ERAL1: variants seen among roughly 807,000 people sequenced by gnomAD.
ERAL1 encodes Era like 12S mitochondrial rRNA chaperone 1.
ERAL1 carries 36 observed loss-of-function variants against 53.6 expected under a neutral mutation model. That is an observed-to-expected ratio of 0.67 (90% confidence interval 0.51 to 0.89). The LOEUF is 0.89. Among genes scored for constraint, ERAL1 ranks in the 40% least tolerant of loss-of-function variants. The pLI is 0.00. For synonymous variants in ERAL1, 215 were observed against 211.8 expected (o/e 1.02, Z -0.13); for missense variants, 512 against 537.5 (o/e 0.95, Z 0.47).
intron 9 of ERAL1, 36 bp from the exon 10 acceptor site, chr17:28,860,395 T>C: frequency 1.9e-6 from 3 of 1,608,372 alleles, no homozygotes; most frequent in Middle Eastern, 3.3e-4. Flanking sequence ...GCATGTGCCA[T>C]CATTCCTGGC....
chr17:28,855,425 T>G, intron 1 of ERAL1, 108 bp downstream of exon 1: 1 of 1,280,402 alleles, frequency 7.8e-7, no homozygotes, highest in Non-Finnish European at 1.0e-6. Flanking sequence ...TTTGAGGCCC[T>G]GACAGGGAGG....
At position 28,858,463 on chromosome 17, in the gene ERAL1, C is replaced by A; in HGVS notation, c.688C>A (p.Pro230Thr). 1 of 1,614,124 alleles carries A rather than the reference C, an allele frequency of 6.2e-7. No homozygotes were observed. Among genetic ancestry groups the A allele is most frequent in the Non-Finnish European group, 8.5e-7 (1 of 1,180,022 alleles). ...LRCLTKYSQI[P>T]SVLVMNKVDC... Reference sequence around the variant, plus strand: ...GTGCTTGACCAAGTACTCCCAGATCCCTAGTGTCCTGGTCATGAACAAGGT... The same window carrying A: ...GTGCTTGACCAAGTACTCCCAGATCACTAGTGTCCTGGTCATGAACAAGGT... The change falls in exon 6 of 10, where the codon CCT (proline) becomes ACT (threonine). Residue 230 changes from proline to threonine, a missense_variant. Physicochemically the swap from Pro to Thr is conservative, Grantham distance 38. Transcript: ENST00000254928.
chr17:28,856,178 G>C lies in ERAL1; in HGVS notation c.284-86G>C, dbSNP rs552989840. On this transcript the variant is annotated intron_variant, in intron 1 of 9. Coordinates refer to ENST00000254928, the MANE Select transcript of ERAL1 (RefSeq NM_005702.4). ...CCTGGTGCACTAATTTTGTACCCCTGCTCCCTTTGTGGGTGGGCAGGAACA... is the reference window on the plus strand; with the variant it reads ...CCTGGTGCACTAATTTTGTACCCCTCCTCCCTTTGTGGGTGGGCAGGAACA... 11 of 1,551,816 alleles carry C rather than the reference G, an allele frequency of 7.1e-6. No homozygotes were observed. The Admixed American group carries it at 8.6e-5, about 12-fold the overall frequency.
At position 28,858,381 on chromosome 17, in the gene ERAL1, T is replaced by C; in HGVS notation, c.606T>C (p.Val202=). ...TGCCTTGCCATCTTCTAGTTGTGGT[T>C]CTTGTGGATGTCTCAGACAAGTGGA... ...KSMESADLVV[V]LVDVSDKWTR... The change falls in exon 6 of 10, where the codon GTT becomes GTC. Residue 202 remains valine (V), a synonymous_variant. Transcript: ENST00000254928. 1 of 1,614,152 alleles carries C rather than the reference T, an allele frequency of 6.2e-7. No homozygotes were observed. The highest frequency in any genetic ancestry group is 8.5e-7 in the Non-Finnish European group (1 of 1,180,016).
At chr17:28,860,306 A>G in intron 9 of ERAL1, 125 bp from the exon 10 acceptor site, 2 of 1,113,734 alleles carry the variant, frequency 1.8e-6, no homozygotes, top group African/African-American at 1.6e-5. Context: ...GAGGGGTCGC[A>G]CTGTTACCCA....
rs1272200681 is a variant in ERAL1, at chr17:28,857,932, A to G, written c.490-7A>G. ...GGGGTCTGGGTATCTCACTTTCCTG[A>G]TTTTAGATTCTACTTGACACACCTG... On this transcript the variant is annotated splice_region_variant and splice_polypyrimidine_tract_variant and intron_variant, in intron 3 of 9. Coordinates refer to ENST00000254928, the MANE Select transcript of ERAL1 (RefSeq NM_005702.4). The G allele has an allele frequency of 6.2e-7, 1 of 1,614,038 alleles. No individual in the cohort carries two copies.
At position 28,858,384 on chromosome 17, in the gene ERAL1, T is replaced by C. The variant is rs1443190403; in HGVS notation, c.609T>C (p.Leu203=). The part of the protein sequence containing the change: ...SMESADLVVV[L]VDVSDKWTRN... ...CTTGCCATCTTCTAGTTGTGGTTCT[T>C]GTGGATGTCTCAGACAAGTGGACAC... The change falls in exon 6 of 10, where the codon CTT becomes CTC. Residue 203 remains leucine (L), a synonymous_variant. Coordinates refer to ENST00000254928, the MANE Select transcript of ERAL1 (RefSeq NM_005702.4). The C allele has an allele frequency of 6.2e-7, 1 of 1,614,052 alleles. No individual in the cohort carries two copies. Among genetic ancestry groups the C allele is most frequent in the African/African-American group, 1.3e-5 (1 of 74,928 alleles).
intron 1 of ERAL1, among the ~76,000 whole-genome samples, chr17:28,855,950 T>C (rs1386463426): frequency 6.6e-6 from 1 of 152,166 alleles, no homozygotes; most frequent in Non-Finnish European, 1.5e-5. Context: ...TATAATTACA[T>C]GCAGTAATTA....
rs2039241144 is a variant in ERAL1 at position 28,856,275 on chromosome 17, G to A, written c.295G>A (p.Val99Ile). 3.7e-6 allele frequency: 6 copies of A among 1,614,020 alleles called. No individual in the cohort carries two copies. The highest frequency in any genetic ancestry group is 5.1e-6 in the Non-Finnish European group (6 of 1,179,928). Reference protein sequence around the residue: ...AVSMNRDEQDVLLVHHPDMPE... With the variant: ...AVSMNRDEQDILLVHHPDMPE... ...CCACTTGCACATAGATGAGCAGGATGTCCTCTTGGTCCATCACCCTGATAT... is the reference window on the plus strand; with the variant it reads ...CCACTTGCACATAGATGAGCAGGATATCCTCTTGGTCCATCACCCTGATAT... The change falls in exon 2 of 10, where the codon GTC (valine) becomes ATC (isoleucine). Residue 99 changes from valine (V) to isoleucine (I), a missense_variant. Coordinates refer to ENST00000254928, the MANE Select transcript of ERAL1 (RefSeq NM_005702.4).
Position 28,860,646 on chromosome 17 carries a change from G to A in ERAL1, c.*93G>A. 6.9e-7 allele frequency: 1 copy of A among 1,451,054 alleles called. No individual in the cohort carries two copies. The highest frequency in any genetic ancestry group is 9.1e-7 in the Non-Finnish European group (1 of 1,100,212). The allele number at this position is 1,451,054 out of a possible 1,614,324, so 89.9% of individuals were successfully genotyped here. On this transcript the variant is annotated 3_prime_UTR_variant, in exon 10 of 10. Coordinates refer to ENST00000254928, the MANE Select transcript of ERAL1 (RefSeq NM_005702.4). ...CTTGGCTGGGGACCCTCCAGGCACTGGTGAGAGACATGAACACTGACTGGC... is the reference window on the plus strand; with the variant it reads ...CTTGGCTGGGGACCCTCCAGGCACTAGTGAGAGACATGAACACTGACTGGC...
At chr17:28,860,257 G>C (rs1354959131) in intron 9 of ERAL1, among the ~76,000 whole-genome samples, 174 bp from the exon 10 acceptor site, 3 of 152,148 alleles carry the variant, frequency 2.0e-5, no homozygotes, top group Admixed American at 2.0e-4. Context: ...GATTACAGGC[G>C]TGAGCCACTG....
Position 28,857,993 on chromosome 17 carries a change from T to C in ERAL1, c.536+8T>C. Reference sequence around the variant, plus strand: ...TCCTGGTAAACAGAAGAGGTAATGGTGGTGGAATTGGGGTGGATTGGCGGG... The same window carrying C: ...TCCTGGTAAACAGAAGAGGTAATGGCGGTGGAATTGGGGTGGATTGGCGGG... On this transcript the variant is annotated splice_region_variant and intron_variant, in intron 4 of 9. Transcript: ENST00000254928. 1 of 1,613,770 alleles carries C rather than the reference T, an allele frequency of 6.2e-7. No individual in the cohort carries two copies. Among genetic ancestry groups the C allele is most frequent in the Non-Finnish European group, 8.5e-7 (1 of 1,179,956 alleles).
chr17:28,857,916 G>A (rs1375565386), intron 3 of ERAL1, 23 bp from the exon 4 acceptor site: 3 of 1,613,988 alleles, frequency 1.9e-6, no homozygotes, highest in Non-Finnish European at 2.5e-6. Flanking sequence ...TGGGGTCTGG[G>A]TATCTCACTT....
chr17:28,859,365 G>A, intron 9 of ERAL1, 82 bp downstream of exon 9: 1 of 1,279,530 alleles, frequency 7.8e-7, no homozygotes, highest in South Asian at 1.3e-5. Flanking sequence ...CTGAGAGCAG[G>A]ACCATATCCT....
At chr17:28,857,544 C>T (rs1224505913) in intron 3 of ERAL1, among the ~76,000 whole-genome samples, 1 of 151,786 alleles carries the variant, frequency 6.6e-6, no homozygotes, top group East Asian at 2.0e-4. Flanking sequence ...AATCCCAGCA[C>T]TTTGGGAGGC....
In ERAL1 at chr17:28,855,101, C is replaced by T. The variant is rs369951726; in HGVS notation, c.67C>T (p.Pro23Ser). Residue 23 changes from proline to serine, a missense_variant, in exon 1 of 10, where the codon CCT (proline) becomes TCT (serine). Physicochemically the swap from Pro to Ser is moderately conservative, Grantham distance 74. Transcript: ENST00000254928. ...GGTGTTAAGAGTCTGGCAGGTGGGC[C>T]CTCATGTCGCGAGGGAGCGGGTGAT... is the stretch of plus-strand genomic sequence containing the variant. ...QSVLRVWQVGPHVARERVIPF... is the reference protein window; with the variant it reads ...QSVLRVWQVGSHVARERVIPF... 35 of 1,614,086 alleles carry T rather than the reference C, an allele frequency of 2.2e-5. No individual in the cohort carries two copies. The highest frequency in any genetic ancestry group is 2.2e-4 in the Admixed American group (13 of 59,998).
At position 28,859,228 on chromosome 17, in the gene ERAL1, C is replaced by T; in HGVS notation, c.1136C>T (p.Pro379Leu). ...AAGACAGCAGTGTGGGAGGAAGGAC[C>T]AGGTGGGGAGCTGGTTATCCAACAG... ...QQKTAVWEEGPGGELVIQQKL... is the reference protein window; with the variant it reads ...QQKTAVWEEGLGGELVIQQKL... The change falls in exon 9 of 10, where the codon CCA becomes CTA. Residue 379 changes from proline to leucine, a missense_variant. By Grantham distance (98) the Pro-to-Leu change is moderately conservative. Coordinates refer to ENST00000254928, the MANE Select transcript of ERAL1 (RefSeq NM_005702.4). 4.3e-6 allele frequency: 7 copies of T among 1,614,088 alleles called. No homozygotes were observed. The highest frequency in any genetic ancestry group is 5.9e-6 in the Non-Finnish European group (7 of 1,180,024).
In ERAL1 at chr17:28,860,549, A is replaced by G; in HGVS notation, c.1310A>G (p.Lys437Arg). 1.2e-6 allele frequency: 2 copies of G among 1,600,744 alleles called. No homozygotes were observed. The highest frequency in any genetic ancestry group is 1.7e-6 in the Non-Finnish European group (2 of 1,174,516). Residue 437 changes from lysine to arginine, a missense_variant, in exon 10 of 10, where the codon AAG (lysine) becomes AGG (arginine). Transcript: ENST00000254928. ...VDIRLSVKLL[K>R] ...ATCCGCCTCTCTGTGAAGCTCCTCA[A>G]GTGACCACCCTCTACTGACCCTCCC...
rs1221681753 is a variant in ERAL1, at chr17:28,858,677, C to G, written c.813C>G (p.His271Gln). The G allele has an allele frequency of 6.8e-6, 11 of 1,614,108 alleles. No homozygotes were observed. Among genetic ancestry groups the G allele is most frequent in the South Asian group, 1.1e-5 (1 of 91,088 alleles). The change falls in exon 7 of 10, where the codon CAC (histidine) becomes CAG (glutamine). Residue 271 changes from histidine to glutamine, a missense_variant. Coordinates refer to ENST00000254928, the MANE Select transcript of ERAL1 (RefSeq NM_005702.4). ...AGCTCAAGATGAGGCAGGCCTTCCACTCACACCCTGGCACCCATTGCCCCA... is the reference window on the plus strand; with the variant it reads ...AGCTCAAGATGAGGCAGGCCTTCCAGTCACACCCTGGCACCCATTGCCCCA... Reference protein sequence around the residue: ...GKKLKMRQAFHSHPGTHCPSP... With the variant: ...GKKLKMRQAFQSHPGTHCPSP...
Sources: allele counts gnomAD v4.1 joint callset (sites outside exome capture counted in the v4.1 genomes callset), GRCh38; gene constraint gnomAD v4.1.1; transcripts MANE v1.5; gene names NCBI Gene and HGNC (gene_info 2026-07-23, HGNC 2026-07-21).